Variants in PLCL1 observed in about 807,000 individuals in gnomAD.
PLCL1 encodes phospholipase C like 1 (inactive).
Under a neutral mutation model 84.4 loss-of-function variants are expected in PLCL1, and 41 were observed. That is an observed-to-expected ratio of 0.49 (90% CI 0.38 to 0.63). The LOEUF (loss-of-function observed/expected upper bound fraction) is 0.63. Ranked by LOEUF, PLCL1 falls within the 30% of genes least tolerant of loss-of-function variation. The pLI is 0.00. For synonymous variants in PLCL1, 490 were observed against 488.3 expected (o/e 1.00, Z -0.05); for missense variants, 1,206 against 1,367.8 (o/e 0.88, Z 1.87).
At chr2:198,059,224 T>C (rs1692134065) in intron 1 of PLCL1, among the ~76,000 whole-genome samples, 1 of 152,222 alleles carries the variant, frequency 6.6e-6, no homozygotes, top group Non-Finnish European at 1.5e-5. Flanking sequence ...TGTATACCTA[T>C]GAAAAGGGAC....
chr2:198,099,872 C>G (rs1255992946), intron 3 of PLCL1, among the ~76,000 whole-genome samples: 1 of 152,064 alleles, frequency 6.6e-6, no homozygotes, highest in Admixed American at 6.6e-5. Context: ...ATTTGTTTTA[C>G]TTTCTGATGT....
At chr2:197,942,373 A>G (rs1414870240) in intron 1 of PLCL1, among the ~76,000 whole-genome samples, 11 of 152,284 alleles carry the variant, frequency 7.2e-5, no homozygotes, top group Admixed American at 5.2e-4. Context: ...TATTGCCACT[A>G]CCACTGAATT....
intron 1 of PLCL1, among the ~76,000 whole-genome samples, chr2:197,977,270 A>G (rs545114288): frequency 4.6e-4 from 70 of 151,948 alleles, no homozygotes; most frequent in Non-Finnish European, 8.8e-4. Flanking sequence ...GGATCTTCCC[A>G]TTTCCCCCCG....
intron 1 of PLCL1, among the ~76,000 whole-genome samples, chr2:197,873,045 T>C (rs1010426714): frequency 2.0e-5 from 3 of 152,118 alleles, no homozygotes; most frequent in Non-Finnish European, 4.4e-5. Flanking sequence ...TTAACAAGGG[T>C]CTAAGATTTA....
chr2:197,924,871 A>G (rs1055312317), intron 1 of PLCL1, among the ~76,000 whole-genome samples: 1 of 152,156 alleles, frequency 6.6e-6, no homozygotes, highest in African/African-American at 2.4e-5. Flanking sequence ...GGGTTTCCAT[A>G]ATATTTGAGA....
At position 198,050,541 on chromosome 2, in the gene PLCL1, T is replaced by A. The variant is rs377288655; in HGVS notation, c.241-33217T>A. Among the ~76,000 whole-genome samples, 34 of 151,734 alleles carry A rather than the reference T, an allele frequency of 2.2e-4. 1 individual carries two copies. Among genetic ancestry groups the A allele is most frequent in the African/African-American group, 8.0e-4 (33 of 41,472 alleles). ...GAACCTTGAGATTGATAAAAAAAAA[T>A]ACACAACTTACTAGAACTTTTTCAG... is the stretch of plus-strand genomic sequence containing the variant. On this transcript the variant is annotated intron_variant, in intron 1 of 5. Transcript: ENST00000428675.
At position 198,085,423 on chromosome 2, in the gene PLCL1, A is replaced by G; in HGVS notation, c.1906A>G (p.Lys636Glu). ...CCCAGAGGATTTTGTTAATTATAATAAGAAGTTCTTATCAAGAATCTATCC... is the reference window on the plus strand; with the variant it reads ...CCCAGAGGATTTTGTTAATTATAATGAGAAGTTCTTATCAAGAATCTATCC... Reference protein sequence around the residue: ...EYPEDFVNYNKKFLSRIYPSA... With the variant: ...EYPEDFVNYNEKFLSRIYPSA... The change falls in exon 2 of 6, where the codon AAG (lysine) becomes GAG (glutamate). Residue 636 changes from lysine to glutamate, a missense_variant. By Grantham distance (56) the Lys-to-Glu change is moderately conservative. Transcript: ENST00000428675. The surrounding 1 kb of genome is among the most constrained non-coding windows in gnomAD (Gnocchi z 5.3). 6.2e-7 allele frequency: 1 copy of G among 1,612,912 alleles called. No homozygotes were observed.
At chr2:197,821,824 G>A (rs926877606) in intron 1 of PLCL1, among the ~76,000 whole-genome samples, 7 of 152,170 alleles carry the variant, frequency 4.6e-5, no homozygotes, top group Non-Finnish European at 1.0e-4. Context: ...TGAACAAGAG[G>A]AGACTGTAAG....
At chr2:198,094,205 A>G (rs1484317017) in intron 3 of PLCL1, among the ~76,000 whole-genome samples, 2 of 151,920 alleles carry the variant, frequency 1.3e-5, no homozygotes, top group East Asian at 3.9e-4. Context: ...GGGACAACAA[A>G]CACCCACCAC....
intron 1 of PLCL1, among the ~76,000 whole-genome samples, chr2:197,976,891 T>C (rs7571869): frequency 0.48 from 72,929 of 152,126 alleles, 17,914 homozygotes; most frequent in Middle Eastern, 0.58. Flanking sequence ...AATCTTCTCT[T>C]GGGCTGAATC....
intron 1 of PLCL1, among the ~76,000 whole-genome samples, chr2:198,050,681 A>C (rs1220488956): frequency 6.6e-6 from 1 of 152,246 alleles, no homozygotes; most frequent in Non-Finnish European, 1.5e-5. Flanking sequence ...TAAGACTTAC[A>C]TATATCAGTT....
intron 1 of PLCL1, among the ~76,000 whole-genome samples, chr2:197,861,669 AC>A (rs1194213135): frequency 6.6e-6 from 1 of 152,104 alleles, no homozygotes; most frequent in Non-Finnish European, 1.5e-5. Context: ...TGGGATCTGA[AC>A]TACCTCCAGG....
At chr2:198,045,097 T>C (rs1253145145) in intron 1 of PLCL1, among the ~76,000 whole-genome samples, 1 of 152,238 alleles carries the variant, frequency 6.6e-6, no homozygotes, top group Non-Finnish European at 1.5e-5. Context: ...TATTATGATT[T>C]ATACCGTATT....
chr2:197,938,216 A>T (rs1233851719), intron 1 of PLCL1, among the ~76,000 whole-genome samples: 1 of 152,154 alleles, frequency 6.6e-6, no homozygotes, highest in Non-Finnish European at 1.5e-5. Context: ...GTGCATCATC[A>T]GTTTATGTTC....
intron 1 of PLCL1, among the ~76,000 whole-genome samples, chr2:197,953,269 G>C (rs916365056): frequency 6.6e-6 from 1 of 152,010 alleles, no homozygotes; most frequent in Non-Finnish European, 1.5e-5. Context: ...AATAAACCCA[G>C]AAGACACTTA....
At chr2:197,857,418 T>C (rs1347956941) in intron 1 of PLCL1, among the ~76,000 whole-genome samples, 1 of 152,174 alleles carries the variant, frequency 6.6e-6, no homozygotes, top group African/African-American at 2.4e-5. Flanking sequence ...GTTTGTTCTC[T>C]GATAGGCATA....
chr2:197,864,466 C>T (rs1574919127), intron 1 of PLCL1, among the ~76,000 whole-genome samples: 1 of 149,374 alleles, frequency 6.7e-6, no homozygotes. Context: ...AATGTGAATG[C>T]ATATTTCAAT....
At chr2:197,961,264 A>AGAGAGAGAGC (rs1353312792) in intron 1 of PLCL1, among the ~76,000 whole-genome samples, 1 of 139,744 alleles carries the variant, frequency 7.2e-6, no homozygotes, top group East Asian at 2.0e-4. Flanking sequence ...AGAGAGAGAG[A>AGAGAGAGAGC]GAGCGAGCAT....
At chr2:197,963,760 G>T (rs911312809) in intron 1 of PLCL1, among the ~76,000 whole-genome samples, 11 of 152,076 alleles carry the variant, frequency 7.2e-5, no homozygotes, top group Non-Finnish European at 1.5e-5. Context: ...TTTGATTTTT[G>T]TATATTGTGA....
Sources: gnomAD v4.1 joint callset for allele counts (sites outside exome capture counted in the v4.1 genomes callset) on GRCh38, gnomAD v4.1.1 for gene constraint, Gnocchi (gnomAD v3.1) non-coding constraint, MANE v1.5 for transcripts, NCBI Gene and HGNC (gene_info 2026-07-23, HGNC 2026-07-21) for gene names.